The following IGF1R variants were observed in gnomAD, a reference collection of about 807,000 sequenced individuals.
IGF1R encodes insulin like growth factor 1 receptor, also known as insulin-like growth factor 1 receptor.
IGF1R carries 44 observed loss-of-function variants against 144.6 expected under a neutral mutation model. The observed-to-expected ratio is 0.30, with a 90% CI of 0.24 to 0.39. The LOEUF (loss-of-function observed/expected upper bound fraction) is 0.39, where lower values mean the gene tolerates loss of function less well. Ranked by LOEUF, IGF1R falls within the 10% of genes least tolerant of loss-of-function variation. The probability of loss-of-function intolerance (pLI) is 1.00; values close to 1 mark genes in which losing one functional copy is unlikely to be tolerated. For synonymous variants in IGF1R, 795 were observed against 722.8 expected, an observed-to-expected ratio of 1.10 and a Z score of -1.60; for missense variants, 1,355 against 1,833.7, an observed-to-expected ratio of 0.74 and a Z score of 4.77.
chr15:98,934,776 T>A, intron 15 of IGF1R, 48 bp from the exon 16 acceptor site: 2 of 1,530,754 alleles, frequency 1.3e-6, no homozygotes, highest in Non-Finnish European at 1.8e-6. Context: ...GCACGTTCTG[T>A]CTAAGGGCTT....
At chr15:98,774,360 C>G (rs777425568) in intron 2 of IGF1R, among the ~76,000 whole-genome samples, 15 of 152,128 alleles carry the variant, frequency 9.9e-5, no homozygotes, top group Non-Finnish European at 1.5e-4. Context: ...GCAAATTTCC[C>G]CACAAAAGAC....
intron 2 of IGF1R, among the ~76,000 whole-genome samples, chr15:98,866,192 C>G (rs1242935812): frequency 6.6e-6 from 1 of 152,220 alleles, no homozygotes; most frequent in African/African-American, 2.4e-5. Context: ...CGGAACAGCC[C>G]AGGACGCTCC....
At chr15:98,950,909 C>G (rs185101844) in intron 20 of IGF1R, among the ~76,000 whole-genome samples, 1 of 152,174 alleles carries the variant, frequency 6.6e-6, no homozygotes, top group Non-Finnish European at 1.5e-5. Flanking sequence ...TGTTTCAAAG[C>G]ACTTTGAGTG....
intron 1 of IGF1R, among the ~76,000 whole-genome samples, chr15:98,691,722 G>GA: frequency 6.6e-6 from 1 of 152,238 alleles, no homozygotes; most frequent in African/African-American, 2.4e-5. Context: ...CCACAGAGCT[G>GA]AAATGCCCTC....
intron 1 of IGF1R, among the ~76,000 whole-genome samples, chr15:98,656,085 G>A (rs113560287): frequency 2.0e-5 from 3 of 152,204 alleles, no homozygotes; most frequent in Admixed American, 6.5e-5. Context: ...GAACACCTAC[G>A]ATTGCAATAT....
chr15:98,834,402 T>C (rs748408381), intron 2 of IGF1R, among the ~76,000 whole-genome samples: 2 of 152,222 alleles, frequency 1.3e-5, no homozygotes, highest in Non-Finnish European at 2.9e-5. Context: ...GCTTCAGCAA[T>C]ATCATCAGAG....
chr15:98,946,218 G>A (rs1046895883), intron 19 of IGF1R, among the ~76,000 whole-genome samples: 2 of 151,702 alleles, frequency 1.3e-5, no homozygotes, highest in African/African-American at 4.8e-5. Flanking sequence ...CAGGGGTGGG[G>A]GGTTCCTGGC....
intron 2 of IGF1R, among the ~76,000 whole-genome samples, chr15:98,754,442 G>C (rs983313779): frequency 6.6e-6 from 1 of 152,178 alleles, no homozygotes; most frequent in African/African-American, 2.4e-5. Flanking sequence ...TGCTTTTTAA[G>C]TACCAGTTGA....
At chr15:98,659,479 C>A (rs1034091389) in intron 1 of IGF1R, among the ~76,000 whole-genome samples, 1 of 152,114 alleles carries the variant, frequency 6.6e-6, no homozygotes, top group Non-Finnish European at 1.5e-5. Context: ...ATAGCGATCC[C>A]AACCCACTCT....
chr15:98,752,808 A>C (rs2055046657), intron 2 of IGF1R, among the ~76,000 whole-genome samples: 1 of 152,268 alleles, frequency 6.6e-6, no homozygotes, highest in Admixed American at 6.5e-5. Context: ...GTGATACATA[A>C]TTCAATTTTA....
rs559300127 is a variant in IGF1R, at chr15:98,962,130, C to T, written c.*4688C>T. ...CTCTGTGGCAAGATCACACTGAGAT[C>T]GATGGGTGAGAAGGCTAGGATGCTT... On this transcript the variant is annotated 3_prime_UTR_variant, in exon 21 of 21. Transcript: ENST00000650285. The T allele has an allele frequency of 7.3e-5, 17 of 233,314 alleles. No homozygotes were observed. The highest frequency in any genetic ancestry group is 3.4e-4 in the Admixed American group (6 of 17,804). The allele number at this position is 233,314 out of a possible 1,614,324, so 14.5% of individuals were successfully genotyped here.
At chr15:98,793,520 A>C (rs2056171785) in intron 2 of IGF1R, among the ~76,000 whole-genome samples, 2 of 152,230 alleles carry the variant, frequency 1.3e-5, no homozygotes, top group South Asian at 4.1e-4. Flanking sequence ...TTTTCTTTAA[A>C]AGGAAAAGAG....
chr15:98,905,399 G>A (rs950736695), intron 5 of IGF1R, among the ~76,000 whole-genome samples: 2 of 152,072 alleles, frequency 1.3e-5, no homozygotes, highest in African/African-American at 4.8e-5. Context: ...GCTCACACCT[G>A]TAATCCCAGC....
At chr15:98,802,057 G>A (rs2056374805) in intron 2 of IGF1R, among the ~76,000 whole-genome samples, 1 of 152,150 alleles carries the variant, frequency 6.6e-6, no homozygotes, top group South Asian at 2.1e-4. Flanking sequence ...CCGTTACCAA[G>A]TTGTGGCCCC....
Position 98,964,008 on chromosome 15 carries a change from A to G in IGF1R, c.*6566A>G, listed in dbSNP as rs1206353956. The G allele has an allele frequency of 1.7e-5, 4 of 232,916 alleles. No homozygotes were observed. The highest frequency in any genetic ancestry group is 1.2e-4 in the East Asian group (2 of 16,518). The allele number at this position is 232,916 out of a possible 1,614,324, so 14.4% of individuals were successfully genotyped here. On this transcript the variant is annotated 3_prime_UTR_variant, in exon 21 of 21. Transcript: ENST00000650285. Reference sequence around the variant, plus strand: ...TTTTCATTTGGATGTTTGGCGTTGCACACACACATCCACCGGTGGAAGAGA... The same window carrying G: ...TTTTCATTTGGATGTTTGGCGTTGCGCACACACATCCACCGGTGGAAGAGA...
chr15:98,899,363 A>G, intron 4 of IGF1R, 114 bp from the exon 5 acceptor site: 1 of 1,010,404 alleles, frequency 9.9e-7, no homozygotes. Flanking sequence ...CTGTGCTGGG[A>G]GCATCTCAGG....
chr15:98,829,794 C>G (rs1361952909), intron 2 of IGF1R, among the ~76,000 whole-genome samples: 2 of 152,190 alleles, frequency 1.3e-5, no homozygotes, highest in East Asian at 1.9e-4. Context: ...TGCCAGAGAC[C>G]AGGTCATCTC....
chr15:98,822,423 A>G (rs7183648), intron 2 of IGF1R, among the ~76,000 whole-genome samples: 2,964 of 152,314 alleles, frequency 0.019, 103 homozygotes, highest in African/African-American at 0.067. Context: ...CTAGGGGATA[A>G]TAAAAGTCTA....
chr15:98,945,096 T>C (rs1367727644), intron 19 of IGF1R, among the ~76,000 whole-genome samples: 1 of 152,190 alleles, frequency 6.6e-6, no homozygotes, highest in African/African-American at 2.4e-5. Flanking sequence ...CCCTCTGAAA[T>C]GACAAGGGTG....
Sources: allele counts gnomAD v4.1 joint callset (sites outside exome capture counted in the v4.1 genomes callset), GRCh38; gene constraint gnomAD v4.1.1; transcripts MANE v1.5; gene names NCBI Gene and HGNC (gene_info 2026-07-23, HGNC 2026-07-21).